Variants in ABHD10 observed in about 807,000 individuals in gnomAD.
ABHD10 encodes abhydrolase domain containing 10, depalmitoylase.
In ABHD10, 22 loss-of-function variants were observed where a neutral mutation model predicts 33.1. The ratio of observed to expected loss-of-function variants is 0.66; its 90% CI spans 0.47 to 0.95. The LOEUF is 0.95. ABHD10 is among the 40% of genes least tolerant of loss of function. ABHD10 has a pLI of 0.00. For synonymous variants in ABHD10, 146 were observed against 133.9 expected (o/e 1.09, Z -0.62); for missense variants, 352 against 379.9 (o/e 0.93, Z 0.61).
intron 2 of ABHD10, among the ~76,000 whole-genome samples, chr3:111,983,545 A>G (rs1435351880): frequency 7.5e-6 from 1 of 133,396 alleles, no homozygotes; most frequent in African/African-American, 2.9e-5. Flanking sequence ...GCTCTTATCA[A>G]AGTTCATCAC....
At position 111,986,955 on chromosome 3, in the gene ABHD10, T is replaced by A. The variant is rs779958637; in HGVS notation, c.480T>A (p.His160Gln). 4.3e-6 allele frequency: 7 copies of A among 1,612,648 alleles called. No individual in the cohort carries two copies. The highest frequency in any genetic ancestry group is 5.9e-6 in the Non-Finnish European group (7 of 1,179,748). Residue 160 changes from histidine to glutamine, a missense_variant, in exon 4 of 5, where the codon CAT becomes CAA. His to Gln is a conservative substitution (Grantham distance 24, BLOSUM62 0). Coordinates refer to ENST00000273359, the MANE Select transcript of ABHD10 (RefSeq NM_018394.4). Reference sequence around the variant, plus strand: ...GCCTTGGAGGGTGGCTTATGCTTCATGCTGCAATTGCACGACCAGAGAAGG... The same window carrying A: ...GCCTTGGAGGGTGGCTTATGCTTCAAGCTGCAATTGCACGACCAGAGAAGG... ...GSSLGGWLML[H>Q]AAIARPEKVV...
Position 111,991,473 on chromosome 3 carries a change from G to C in ABHD10, c.673G>C (p.Ala225Pro). ...CGTTCAGTACAGTTTCATTAAAGAA[G>C]CTGAACATCACTGCTTGTTACATAG... ...YNVQYSFIKE[A>P]EHHCLLHSPI... The change falls in exon 5 of 5, where the codon GCT becomes CCT. Residue 225 changes from alanine (A) to proline (P), a missense_variant. Physicochemically the swap from Ala to Pro is conservative, Grantham distance 27. Coordinates refer to ENST00000273359, the MANE Select transcript of ABHD10 (RefSeq NM_018394.4). 1 of 1,614,016 alleles carries C rather than the reference G, an allele frequency of 6.2e-7. No homozygotes were observed. Among genetic ancestry groups the C allele is most frequent in the Non-Finnish European group, 8.5e-7 (1 of 1,179,944 alleles).
intron 3 of ABHD10, among the ~76,000 whole-genome samples, chr3:111,986,584 C>T (rs1182950356): frequency 1.3e-5 from 2 of 151,776 alleles, no homozygotes; most frequent in Non-Finnish European, 2.9e-5. Flanking sequence ...TACAGGCACC[C>T]GCCACCACGC....
chr3:111,987,022 G>C lies in ABHD10; in HGVS notation c.547G>C (p.Val183Leu). The C allele has an allele frequency of 6.2e-7, 1 of 1,612,750 alleles. No individual in the cohort carries two copies. Among genetic ancestry groups the C allele is most frequent in the Non-Finnish European group, 8.5e-7 (1 of 1,179,780 alleles). ...IGVATAADTL[V>L]TKFNQLPVEL... ...TGTAGCTACAGCTGCAGATACCTTA[G>C]TGACAAAGTTTAATCAGCTTCCTGT... Residue 183 changes from valine to leucine, a missense_variant, in exon 4 of 5, where the codon GTG (valine) becomes CTG (leucine). Val to Leu is a conservative substitution (Grantham distance 32). Transcript: ENST00000273359.
intron 2 of ABHD10, among the ~76,000 whole-genome samples, chr3:111,985,564 T>C (rs2072646446): frequency 6.6e-6 from 1 of 152,180 alleles, no homozygotes; most frequent in East Asian, 1.9e-4. Context: ...TAATCAAATA[T>C]ATCTCAAGTA....
rs775039611 is a variant in ABHD10, at chr3:111,986,281, T to C, written c.344T>C (p.Val115Ala). 2 of 1,612,956 alleles carry C rather than the reference T, an allele frequency of 1.2e-6. No individual in the cohort carries two copies. Among genetic ancestry groups the C allele is most frequent in the Non-Finnish European group, 1.7e-6 (2 of 1,179,170 alleles). ...HACIRFDYSGVGSSDGNSEES... is the reference protein window; with the variant it reads ...HACIRFDYSGAGSSDGNSEES... Reference sequence around the variant, plus strand: ...TTTTCCAGGTTTGATTACTCAGGAGTTGGAAGTTCAGATGGTAACTCAGAG... The same window carrying C: ...TTTTCCAGGTTTGATTACTCAGGAGCTGGAAGTTCAGATGGTAACTCAGAG... Residue 115 changes from valine (V) to alanine (A), a missense_variant, in exon 3 of 5, where the codon GTT becomes GCT. Val to Ala is a moderately conservative substitution (Grantham distance 64). Transcript: ENST00000273359.
intron 1 of ABHD10, among the ~76,000 whole-genome samples, chr3:111,980,329 C>T (rs1368968035): frequency 6.6e-6 from 1 of 152,098 alleles, no homozygotes; most frequent in Non-Finnish European, 1.5e-5. Flanking sequence ...TACTTTGAAA[C>T]AAGCTTTTAT....
At chr3:111,982,550 T>C (rs1009715499) in intron 2 of ABHD10, among the ~76,000 whole-genome samples, 16 of 152,174 alleles carry the variant, frequency 1.1e-4, no homozygotes, top group African/African-American at 3.6e-4. Context: ...ATATGTTTAG[T>C]ATCCACTGTC....
chr3:111,990,010 T>A (rs559522101), intron 4 of ABHD10, among the ~76,000 whole-genome samples: 1 of 152,062 alleles, frequency 6.6e-6, no homozygotes, highest in African/African-American at 2.4e-5. Context: ...AGCTTTTCTT[T>A]CCTTATTTTT....
At chr3:111,988,345 C>CT (rs1345117289) in intron 4 of ABHD10, among the ~76,000 whole-genome samples, 1 of 152,006 alleles carries the variant, frequency 6.6e-6, no homozygotes, top group Non-Finnish European at 1.5e-5. Flanking sequence ...ATTTTGTTCA[C>CT]TTTCTTGGTG....
chr3:111,989,482 T>G (rs978747125), intron 4 of ABHD10, among the ~76,000 whole-genome samples: 2 of 152,226 alleles, frequency 1.3e-5, no homozygotes, highest in Non-Finnish European at 2.9e-5. Flanking sequence ...TTCATTCAAT[T>G]CAGTGGCAGG....
intron 2 of ABHD10, 80 bp from the exon 3 acceptor site, chr3:111,986,184 A>C (rs2072656807): frequency 1.4e-6 from 1 of 731,446 alleles, no homozygotes; most frequent in Admixed American, 2.6e-5. Flanking sequence ...TATAGTAATG[A>C]GGAAGGTGCT....
At chr3:111,982,226 C>G (rs74549360) in intron 2 of ABHD10, 6,729 of 293,968 alleles carry the variant, frequency 0.023, 117 homozygotes, top group Non-Finnish European at 0.033. Flanking sequence ...TCTTTAGAGG[C>G]AATAATGTAT....
rs751804894 is a variant in ABHD10, at chr3:111,979,092, G to T, written c.31G>T (p.Ala11Ser). 2 of 1,613,268 alleles carry T rather than the reference G, an allele frequency of 1.2e-6. No homozygotes were observed. Among genetic ancestry groups the T allele is most frequent in the Admixed American group, 1.7e-5 (1 of 59,988 alleles). The change falls in exon 1 of 5, where the codon GCC (alanine) becomes TCC (serine). Residue 11 changes from alanine (A) to serine (S), a missense_variant. By Grantham distance (99) the Ala-to-Ser change is moderately conservative (BLOSUM62 1). Transcript: ENST00000273359. ...GGTTGCGCGCTTGGCAGCTGTGGCG[G>T]CCTGGGTACCTTGTCGGAGCTGGGG... MAVARLAAVAAWVPCRSWGWA... is the reference protein window; with the variant it reads MAVARLAAVASWVPCRSWGWA...
At chr3:111,991,316 T>G in intron 4 of ABHD10, 61 bp from the exon 5 acceptor site, 1 of 1,397,178 alleles carries the variant, frequency 7.2e-7, no homozygotes, top group Non-Finnish European at 9.8e-7. Flanking sequence ...TTAAAACTAT[T>G]GCATGTGTTA....
chr3:111,988,122 A>C, intron 4 of ABHD10, among the ~76,000 whole-genome samples: 1 of 152,092 alleles, frequency 6.6e-6, no homozygotes, highest in East Asian at 1.9e-4. Flanking sequence ...AGAAGAAAAA[A>C]CGTATGCAGT....
intron 4 of ABHD10, among the ~76,000 whole-genome samples, chr3:111,987,854 A>G (rs2072688727): frequency 6.6e-6 from 1 of 152,238 alleles, no homozygotes; most frequent in African/African-American, 2.4e-5. Context: ...CTCTCCAGAC[A>G]GATATTGTCA....
Position 111,980,909 on chromosome 3 carries a change from C to T in ABHD10, c.143-875C>T, listed in dbSNP as rs1003210360. On this transcript the variant is annotated intron_variant, in intron 1 of 4. Transcript: ENST00000273359. Reference sequence around the variant, plus strand: ...TGGTTGAGGTAGGCGGATGGGTGGGCGGGTGGATGGGAGTCAGTAATAAAA... The same window carrying T: ...TGGTTGAGGTAGGCGGATGGGTGGGTGGGTGGATGGGAGTCAGTAATAAAA... Among the ~76,000 whole-genome samples the T allele has an allele frequency of 3.9e-5, 6 of 151,908 alleles. No homozygotes were observed. The South Asian group carries it at 6.2e-4, about 16-fold the overall frequency.
At chr3:111,986,426 C>CCGTT in intron 3 of ABHD10, 51 bp downstream of exon 3, 1 of 860,288 alleles carries the variant, frequency 1.2e-6, no homozygotes, top group African/African-American at 2.7e-5. Flanking sequence ...CGTATTTAAG[C>CCGTT]TGTTTGTTTT....
Sources: allele counts gnomAD v4.1 joint callset (sites outside exome capture counted in the v4.1 genomes callset), GRCh38; gene constraint gnomAD v4.1.1; transcripts MANE v1.5; gene names NCBI Gene and HGNC (gene_info 2026-07-23, HGNC 2026-07-21).